RFX2: variants seen among roughly 807,000 people sequenced by gnomAD.
RFX2 encodes DNA-binding protein RFX2.
Under a neutral mutation model 87.8 loss-of-function variants are expected in RFX2, and 20 were observed. The observed-to-expected ratio is 0.23, with a 90% CI of 0.16 to 0.33. The LOEUF (loss-of-function observed/expected upper bound fraction) is 0.33, where lower values mean the gene tolerates loss of function less well. Among genes scored for constraint, RFX2 ranks in the 10% least tolerant of loss-of-function variants. The pLI is 1.00. For missense variants in RFX2, 767 were observed against 1,012.3 expected, an observed-to-expected ratio of 0.76 and a Z score of 3.29; for synonymous variants, 397 against 431.3, an observed-to-expected ratio of 0.92 and a Z score of 0.98.
rs1216709818 is a variant in RFX2 at position 6,011,784 on chromosome 19, C to G, written c.899+1202G>C. 2.0e-5 allele frequency among the ~76,000 whole-genome samples: 3 copies of G among 152,218 alleles called. No homozygotes were observed. The highest frequency in any genetic ancestry group is 2.9e-5 in the Non-Finnish European group (2 of 68,044). On this transcript the variant is annotated intron_variant, in intron 8 of 17. Coordinates refer to ENST00000303657, the MANE Select transcript of RFX2 (RefSeq NM_000635.4). This position sits in a 1 kb window ranked among gnomAD's most constrained non-coding sequence, Gnocchi z 4.8. ...CTGGAATGGGTTTTTGAGCCACACA[C>G]ATACACGGGTGGCTCTGTGCAGAGG...
intron 1 of RFX2, among the ~76,000 whole-genome samples, chr19:6,105,964 A>T (rs1044336678): frequency 1.3e-5 from 2 of 152,092 alleles, no homozygotes; most frequent in African/African-American, 4.8e-5. Flanking sequence ...AGCTGGATAG[A>T]TGTTTTCTGC....
intron 1 of RFX2, chr19:6,049,134 A>G (rs2087236854): frequency 6.6e-6 from 1 of 152,070 alleles, no homozygotes; most frequent in Non-Finnish European, 1.5e-5. Context: ...GACAGAACTG[A>G]CCTTTGGAAT....
At position 6,011,403 on chromosome 19, in the gene RFX2, CGG is replaced by C. The variant is rs1057226504; in HGVS notation, c.900-1154_900-1153del. Among the ~76,000 whole-genome samples, 5 of 152,112 alleles carry C rather than the reference CGG, an allele frequency of 3.3e-5. No individual in the cohort carries two copies. The highest frequency in any genetic ancestry group is 1.2e-4 in the African/African-American group (5 of 41,398). ...CGGACCTCCCTCCTCAAATACGAAG[CGG>C]GGCCAGGCCTACAGGGAGGCGGGAG... On this transcript the variant is annotated intron_variant, in intron 8 of 17. Transcript: ENST00000303657. This position sits in a 1 kb window ranked among gnomAD's most constrained non-coding sequence, Gnocchi z 4.8.
chr19:6,080,477 A>C (rs2087764682), intron 1 of RFX2, among the ~76,000 whole-genome samples: 1 of 152,146 alleles, frequency 6.6e-6, no homozygotes, highest in Non-Finnish European at 1.5e-5. Context: ...GGTTCCAGAT[A>C]CACAAGGTTG....
At position 5,997,311 on chromosome 19, in the gene RFX2, T is replaced by C. The variant is rs2086426861; in HGVS notation, c.1860-98A>G. 1 of 1,304,028 alleles carries C rather than the reference T, an allele frequency of 7.7e-7. No individual in the cohort carries two copies. The highest frequency in any genetic ancestry group is 2.6e-5 in the East Asian group (1 of 38,850). 80.8% of individuals were successfully genotyped at this position (1,304,028 alleles called of 1,614,324 possible). A position where few individuals can be genotyped will look rare whatever the true frequency, so the allele number is the denominator to read the frequency against. On this transcript the variant is annotated intron_variant, in intron 15 of 17. Coordinates refer to ENST00000303657, the MANE Select transcript of RFX2 (RefSeq NM_000635.4). This position sits in a 1 kb window ranked among gnomAD's most constrained non-coding sequence, Gnocchi z 4.2. ...GCAGCAACACACCCCCTGCTCTACGTTCCCTGGGGAACCCAGAGGCTGAGT... is the reference window on the plus strand; with the variant it reads ...GCAGCAACACACCCCCTGCTCTACGCTCCCTGGGGAACCCAGAGGCTGAGT...
intron 9 of RFX2, among the ~76,000 whole-genome samples, chr19:6,009,039 C>T (rs2086626673): frequency 6.6e-6 from 1 of 152,114 alleles, no homozygotes; most frequent in Admixed American, 6.5e-5. Context: ...GATATTGTCA[C>T]CTCCCAGGAA....
chr19:6,087,814 C>T (rs1271998812), intron 1 of RFX2, among the ~76,000 whole-genome samples: 8 of 152,142 alleles, frequency 5.3e-5, no homozygotes, highest in Admixed American at 5.2e-4. Context: ...CCTTGATTAG[C>T]CATGGCACAT....
Position 6,007,108 on chromosome 19 carries a change from A to G in RFX2, c.1306T>C (p.Cys436Arg), listed in dbSNP as rs928460486. Reference sequence around the variant, plus strand: ...CTCATCCACCTGAGGATGGGGTCGCACTGACACAGGGAGATAAGCTTGTCC... The same window carrying G: ...CTCATCCACCTGAGGATGGGGTCGCGCTGACACAGGGAGATAAGCTTGTCC... ...PKDKLISLCQ[C>R]DPILRWMRSC... The change falls in exon 12 of 18, where the codon TGC becomes CGC. Residue 436 changes from cysteine (C) to arginine (R), a missense_variant. Physicochemically the swap from Cys to Arg is radical, Grantham distance 180. This residue lies in a region of RFX2 where 621 missense variants were observed against 873.0 expected (regional missense o/e 0.71). Transcript: ENST00000303657. This position sits in a 1 kb window ranked among gnomAD's most constrained non-coding sequence, Gnocchi z 8.2. 3.1e-6 allele frequency: 5 copies of G among 1,614,128 alleles called. No homozygotes were observed. In the Admixed American group the frequency reaches 5.0e-5, roughly 16 times the overall value.
In RFX2 at chr19:6,024,192, C is replaced by A. The variant is rs1477492151; in HGVS notation, c.597+1971G>T. Among the ~76,000 whole-genome samples, 1 of 152,224 alleles carries A rather than the reference C, an allele frequency of 6.6e-6. No homozygotes were observed. Among genetic ancestry groups the A allele is most frequent in the Non-Finnish European group, 1.5e-5 (1 of 68,034 alleles). On this transcript the variant is annotated intron_variant, in intron 6 of 17. Coordinates refer to ENST00000303657, the MANE Select transcript of RFX2 (RefSeq NM_000635.4). This position sits in a 1 kb window ranked among gnomAD's most constrained non-coding sequence, Gnocchi z 5.0. ...CTCGCCCAGGGCTGATACCCTGGAC[C>A]CGCATGGGTTTGCGTTCAGGCTGAA... is the stretch of plus-strand genomic sequence containing the variant.
chr19:6,048,498 T>C (rs2087226321), intron 1 of RFX2, among the ~76,000 whole-genome samples: 1 of 152,154 alleles, frequency 6.6e-6, no homozygotes, highest in Admixed American at 6.5e-5. Context: ...GGAGGTGGCT[T>C]TGTGATCAGG....
intron 1 of RFX2, among the ~76,000 whole-genome samples, chr19:6,070,117 G>A (rs1242422451): frequency 2.3e-5 from 3 of 132,518 alleles, no homozygotes; most frequent in Admixed American, 7.5e-5. Flanking sequence ...GATGGGATGG[G>A]ATGGGATGGG....
In RFX2 at chr19:6,007,999, G is replaced by A. The variant is rs926946537; in HGVS notation, c.1134+107C>T. The A allele has an allele frequency of 5.7e-6, 5 of 876,876 alleles. No homozygotes were observed. Among genetic ancestry groups the A allele is most frequent in the Non-Finnish European group, 9.3e-6 (5 of 536,028 alleles). 54.3% of individuals were successfully genotyped at this position (876,876 alleles called of 1,614,324 possible). ...GCTTCAGAGAGGATGCTTGTTGGGG[G>A]GCTCGGGGCTCCAGCTCCTCAGCGT... On this transcript the variant is annotated intron_variant, in intron 10 of 17. Transcript: ENST00000303657. The surrounding 1 kb of genome is among the most constrained non-coding windows in gnomAD (Gnocchi z 8.2).
chr19:6,035,540 C>T (rs550306936), intron 5 of RFX2, among the ~76,000 whole-genome samples: 1 of 152,286 alleles, frequency 6.6e-6, no homozygotes, highest in African/African-American at 2.4e-5. Flanking sequence ...TCTGGAATCA[C>T]TCGTCGAGGC....
At chr19:6,014,620 CGGA>C (rs1398252974) in intron 7 of RFX2, among the ~76,000 whole-genome samples, 1 of 152,098 alleles carries the variant, frequency 6.6e-6, no homozygotes, top group Non-Finnish European at 1.5e-5. Flanking sequence ...GCCAGGTGCT[CGGA>C]GGAGGGAAAA....
chr19:6,041,443 G>A (rs962028975), intron 4 of RFX2, among the ~76,000 whole-genome samples: 26 of 152,174 alleles, frequency 1.7e-4, no homozygotes, highest in Non-Finnish European at 5.9e-5. Context: ...GCATCACACA[G>A]TTACAGAGCA....
At chr19:6,099,000 G>T (rs1444225971) in intron 1 of RFX2, among the ~76,000 whole-genome samples, 1 of 138,158 alleles carries the variant, frequency 7.2e-6, no homozygotes, top group African/African-American at 3.1e-5. Flanking sequence ...AAAAGCTAAG[G>T]GTTAAAATAC....
At chr19:6,060,927 C>T (rs2087420396) in intron 1 of RFX2, among the ~76,000 whole-genome samples, 2 of 152,124 alleles carry the variant, frequency 1.3e-5, no homozygotes, top group South Asian at 4.1e-4. Flanking sequence ...CTCCCTTCTC[C>T]AGCTGCCTCC....
intron 1 of RFX2, among the ~76,000 whole-genome samples, chr19:6,073,824 C>T (rs2087643721): frequency 6.6e-6 from 1 of 152,154 alleles, no homozygotes; most frequent in African/African-American, 2.4e-5. Flanking sequence ...TTGGGCTAAG[C>T]GCTCCTCTTC....
rs903554155 is a variant in RFX2, at chr19:6,027,260, G to A, written c.523-1023C>T. ...ATGAGAGGGTAACTGCTTCTCCCAC[G>A]GCCTCCGACCACGGTGGTTCTGCCT... On this transcript the variant is annotated intron_variant, in intron 5 of 17. Coordinates refer to ENST00000303657, the MANE Select transcript of RFX2 (RefSeq NM_000635.4). The surrounding 1 kb of genome is among the most constrained non-coding windows in gnomAD (Gnocchi z 5.0). 6.6e-6 allele frequency: 1 copy of A among 152,170 alleles called. No homozygotes were observed. The highest frequency in any genetic ancestry group is 6.6e-5 in the Admixed American group (1 of 15,262). The allele number at this position is 152,170 out of a possible 1,614,324, so 9.4% of individuals were successfully genotyped here.
Sources: gnomAD v4.1 joint callset for allele counts (sites outside exome capture counted in the v4.1 genomes callset) on GRCh38, gnomAD v4.1.1 for gene constraint, gnomAD v4.1.1 regional missense constraint, Gnocchi (gnomAD v3.1) non-coding constraint, MANE v1.5 for transcripts, NCBI Gene and HGNC (gene_info 2026-07-23, HGNC 2026-07-21) for gene names.